Variants in CLDN16 observed in about 807,000 individuals in gnomAD.
The protein encoded by CLDN16 is claudin 16, also known as claudin-16.
A neutral mutation model predicts 24.6 loss-of-function variants in CLDN16; 13 were observed. That is an observed-to-expected ratio of 0.53 (90% CI 0.34 to 0.84). CLDN16 has a LOEUF of 0.84. Among genes scored for constraint, CLDN16 ranks in the 40% least tolerant of loss-of-function variants. CLDN16 has a pLI of 0.01. For missense variants in CLDN16, 298 were observed against 292.7 expected (o/e 1.02, Z -0.13); for synonymous variants, 116 against 106.7 (o/e 1.09, Z -0.54).
chr3:190,341,205 A>G (rs775506373), intron 1 of CLDN16, among the ~76,000 whole-genome samples: 1 of 152,284 alleles, frequency 6.6e-6, no homozygotes, highest in Middle Eastern at 3.4e-3. Flanking sequence ...TAGGGACTCT[A>G]TGTGGGGGCT....
chr3:190,292,228 A>T, the CLDN16 span, among the ~76,000 whole-genome samples: 1 of 152,180 alleles, frequency 6.6e-6, no homozygotes, highest in African/African-American at 2.4e-5. Flanking sequence ...TCTGAAATTC[A>T]GGTGGAGGTT....
chr3:190,387,107 C>G (rs1177806646), upstream of CLDN16, among the ~76,000 whole-genome samples: 1 of 152,116 alleles, frequency 6.6e-6, no homozygotes, highest in African/African-American at 2.4e-5. Flanking sequence ...TTGACATTCT[C>G]TCCTACATTA....
intron 2 of CLDN16, chr3:190,371,016 T>TTATATA (rs141854157): frequency 7.2e-4 from 10 of 13,880 alleles, no homozygotes; most frequent in South Asian, 2.6e-3. Context: ...GTTAATACCT[T>TTATATA]TATATATATA....
At chr3:190,304,479 T>C in the CLDN16 span, among the ~76,000 whole-genome samples, 17 of 152,272 alleles carry the variant, frequency 1.1e-4, no homozygotes, top group East Asian at 1.2e-3. Context: ...AATGACCATA[T>C]TGGAAAACTT....
At position 190,388,344 on chromosome 3, in the gene CLDN16, T is replaced by C. The variant is rs1718561810; in HGVS notation, c.15T>C (p.Leu5=). 3.7e-6 allele frequency: 6 copies of C among 1,614,144 alleles called. No individual in the cohort carries two copies. Among genetic ancestry groups the C allele is most frequent in the South Asian group, 1.1e-5 (1 of 91,074 alleles). The change falls in exon 1 of 5, where the codon CTT becomes CTC. Residue 5 remains leucine, a synonymous_variant. Coordinates refer to ENST00000264734, the MANE Select transcript of CLDN16 (RefSeq NM_006580.4). ...TGCTTGCCACAATGAGGGATCTTCTTCAATACATCGCTTGCTTCTTTGCCT... is the reference window on the plus strand; with the variant it reads ...TGCTTGCCACAATGAGGGATCTTCTCCAATACATCGCTTGCTTCTTTGCCT... MRDL[L]QYIACFFAFF...
Position 190,327,454 on chromosome 3 carries a change from A to G in CLDN16, n.121+4793A>G, listed in dbSNP as rs554658215. ...ACACTTACTGATCATTTAGATTCTA[A>G]GGGCTTTGTTGTATAAACTTACTTA... is the stretch of plus-strand genomic sequence containing the variant. On this transcript the variant is annotated intron_variant and non_coding_transcript_variant, in intron 1 of 4. Coordinates refer to the CLDN16 transcript ENST00000468220. Among the ~76,000 whole-genome samples, 75 of 152,318 alleles carry G rather than the reference A, an allele frequency of 4.9e-4. No individual in the cohort carries two copies. The Middle Eastern group carries it at 0.01, about 21-fold the overall frequency.
At chr3:190,409,185 T>TGC (rs1425025587) in intron 4 of CLDN16, among the ~76,000 whole-genome samples, 10,345 of 148,104 alleles carry the variant, frequency 0.07, 1,916 homozygotes, top group East Asian at 0.14. Context: ...CATGTATATA[T>TGC]ACACACACGT....
chr3:190,301,038 T>G, the CLDN16 span, among the ~76,000 whole-genome samples: 1 of 152,202 alleles, frequency 6.6e-6, no homozygotes. Context: ...AATCCAAATA[T>G]CCAAAGACTG....
chr3:190,372,777 T>C (rs1718169146), intron 2 of CLDN16, among the ~76,000 whole-genome samples: 1 of 151,918 alleles, frequency 6.6e-6, no homozygotes, highest in African/African-American at 2.4e-5. Flanking sequence ...AAGGAAAACA[T>C]AAAAGCAGTC....
the CLDN16 span, among the ~76,000 whole-genome samples, chr3:190,296,548 ATTTT>A: frequency 1.5e-5 from 2 of 133,702 alleles, no homozygotes; most frequent in African/African-American, 2.8e-5. Context: ...GTCAGATTTA[ATTTT>A]TTTTTTTTTT....
chr3:190,389,948 A>G (rs966619608), intron 1 of CLDN16, among the ~76,000 whole-genome samples: 2 of 152,224 alleles, frequency 1.3e-5, no homozygotes, highest in African/African-American at 4.8e-5. Flanking sequence ...TTAAGCTGAC[A>G]TAATTGCTAA....
the CLDN16 span, among the ~76,000 whole-genome samples, chr3:190,292,151 G>A: frequency 6.6e-6 from 1 of 152,206 alleles, no homozygotes; most frequent in Non-Finnish European, 1.5e-5. Flanking sequence ...CGTAGCAGAG[G>A]TTCTCCATGA....
intron 1 of CLDN16, among the ~76,000 whole-genome samples, chr3:190,331,186 A>G (rs1209446860): frequency 6.6e-6 from 1 of 152,200 alleles, no homozygotes; most frequent in East Asian, 1.9e-4. Context: ...TTAGTGCTGC[A>G]GAGACCATCC....
chr3:190,346,904 A>C (rs1224782600), intron 1 of CLDN16, among the ~76,000 whole-genome samples: 1 of 152,138 alleles, frequency 6.6e-6, no homozygotes, highest in Non-Finnish European at 1.5e-5. Context: ...TGTATGGCTC[A>C]CCCTAATCCA....
At chr3:190,343,962 A>G (rs114457701) in intron 1 of CLDN16, among the ~76,000 whole-genome samples, 5,943 of 152,164 alleles carry the variant, frequency 0.039, 386 homozygotes, top group African/African-American at 0.13. Context: ...GGTAGATTGT[A>G]TCTTCACATG....
chr3:190,348,109 A>G (rs2108633806), intron 1 of CLDN16, among the ~76,000 whole-genome samples: 1 of 146,012 alleles, frequency 6.8e-6, no homozygotes, highest in Admixed American at 6.8e-5. Context: ...AAAAAAAATT[A>G]GCTGGCACGG....
chr3:190,334,294 T>C (rs2108625066), intron 1 of CLDN16, among the ~76,000 whole-genome samples: 1 of 152,146 alleles, frequency 6.6e-6, no homozygotes, highest in East Asian at 1.9e-4. Context: ...CAATATCAGA[T>C]AAGAGGAAAA....
upstream of CLDN16, among the ~76,000 whole-genome samples, chr3:190,318,073 C>G (rs779082180): frequency 6.6e-6 from 1 of 152,146 alleles, no homozygotes; most frequent in Non-Finnish European, 1.5e-5. Flanking sequence ...TTTACTTTTA[C>G]GGAAGTTCAA....
At chr3:190,392,796 G>A (rs1027949193) in intron 1 of CLDN16, among the ~76,000 whole-genome samples, 1 of 152,196 alleles carries the variant, frequency 6.6e-6, no homozygotes, top group African/African-American at 2.4e-5. Flanking sequence ...AGAATTTCCA[G>A]TTTAGAGAAA....
Sources: gnomAD v4.1 joint callset for allele counts (sites outside exome capture counted in the v4.1 genomes callset) on GRCh38, gnomAD v4.1.1 for gene constraint, MANE v1.5 for transcripts, NCBI Gene and HGNC (gene_info 2026-07-23, HGNC 2026-07-21) for gene names.